The following PTPRN2 variants were observed in gnomAD, a reference collection of about 807,000 sequenced individuals.
PTPRN2 encodes protein tyrosine phosphatase receptor type N2.
In PTPRN2, 74 loss-of-function variants were observed where a neutral mutation model predicts 118.8. The observed-to-expected ratio is 0.62, with a 90% CI of 0.52 to 0.76. PTPRN2 has a LOEUF of 0.76. Among genes scored for constraint, PTPRN2 ranks in the 30% least tolerant of loss-of-function variants. PTPRN2 has a pLI of 0.00. For synonymous variants in PTPRN2, 641 were observed against 608.0 expected (o/e 1.05, Z -0.80); for missense variants, 1,481 against 1,394.4 (o/e 1.06, Z -0.99).
Position 157,958,038 on chromosome 7 carries a change from G to A in PTPRN2, c.1724-59301C>T, listed in dbSNP as rs12667411. Among the ~76,000 whole-genome samples the A allele has an allele frequency of 0.011, 1,708 of 152,182 alleles. 169 individuals carry two copies. In the East Asian group the frequency reaches 0.25, roughly 22 times the overall value. On this transcript the variant is annotated intron_variant, in intron 11 of 22. Coordinates refer to ENST00000389418, the MANE Select transcript of PTPRN2 (RefSeq NM_002847.5). ...CGGAAGTTCAGAAGCATATTAAAAC[G>A]ATTGCTGTACCATGACCAAGTGGGA...
intron 2 of PTPRN2, among the ~76,000 whole-genome samples, chr7:158,329,034 G>A (rs1803901553): frequency 1.3e-5 from 2 of 151,906 alleles, no homozygotes; most frequent in Admixed American, 6.6e-5. Flanking sequence ...CACTATGAGT[G>A]GGGCCTCCAT....
intron 12 of PTPRN2, among the ~76,000 whole-genome samples, chr7:157,823,010 ACATGCACC>A (rs1450299240): frequency 2.6e-5 from 4 of 151,968 alleles, no homozygotes; most frequent in Non-Finnish European, 5.9e-5. Flanking sequence ...ATACAGACAT[ACATGCACC>A]CATCCATCTT....
At chr7:158,272,046 C>T (rs1179340670) in intron 3 of PTPRN2, among the ~76,000 whole-genome samples, 3 of 152,172 alleles carry the variant, frequency 2.0e-5, no homozygotes, top group Admixed American at 1.3e-4. Flanking sequence ...CATCAAAAGA[C>T]GGTCAGGTTG....
chr7:158,397,001 A>G (rs1234324884), intron 2 of PTPRN2, among the ~76,000 whole-genome samples: 1 of 152,240 alleles, frequency 6.6e-6, no homozygotes, highest in Admixed American at 6.5e-5. Context: ...CTTTTGAAAC[A>G]AACCGACATC....
At chr7:158,038,142 T>C (rs958388307) in intron 11 of PTPRN2, among the ~76,000 whole-genome samples, 1 of 152,142 alleles carries the variant, frequency 6.6e-6, no homozygotes, top group African/African-American at 2.4e-5. Flanking sequence ...AATTCATGTA[T>C]AAAGTAAGAT....
Position 157,747,870 on chromosome 7 carries a change from G to C in PTPRN2, c.1789-64933C>G, listed in dbSNP as rs1231568786. Among the ~76,000 whole-genome samples, 500 of 118,260 alleles carry C rather than the reference G, an allele frequency of 4.2e-3. 25 individuals are homozygous for C. The highest frequency in any genetic ancestry group is 0.011 in the Admixed American group (107 of 9,894). The allele number at this position is 118,260 out of a possible 152,430, so 77.6% of individuals were successfully genotyped here. ...GGGTGATTCTGAGGCCTGCGTCCCT[G>C]AGCTGTGGGGTGTCCGGGTGATTCT... On this transcript the variant is annotated intron_variant, in intron 12 of 22. Transcript: ENST00000389418.
chr7:158,130,756 G>GACAC, intron 9 of PTPRN2, among the ~76,000 whole-genome samples: 1 of 133,334 alleles, frequency 7.5e-6, no homozygotes, highest in African/African-American at 3.0e-5. Flanking sequence ...ACATCTACCT[G>GACAC]ACATACTCAT....
At chr7:158,498,709 A>C (rs1822135581) in intron 1 of PTPRN2, among the ~76,000 whole-genome samples, 1 of 152,262 alleles carries the variant, frequency 6.6e-6, no homozygotes, top group Non-Finnish European at 1.5e-5. Context: ...GCTTTGAAAA[A>C]GTATCTGATG....
chr7:157,642,358 T>G (rs1804723528), intron 14 of PTPRN2, among the ~76,000 whole-genome samples: 1 of 152,236 alleles, frequency 6.6e-6, no homozygotes, highest in Non-Finnish European at 1.5e-5. Flanking sequence ...TGCATTTTAT[T>G]AAACTCGTGT....
chr7:158,383,016 C>G (rs1262511962), intron 2 of PTPRN2, among the ~76,000 whole-genome samples: 1 of 152,184 alleles, frequency 6.6e-6, no homozygotes, highest in African/African-American at 2.4e-5. Flanking sequence ...TTGGGGACCA[C>G]TGTCTTACAG....
At chr7:158,149,298 T>C (rs1482869940) in intron 6 of PTPRN2, among the ~76,000 whole-genome samples, 1 of 152,160 alleles carries the variant, frequency 6.6e-6, no homozygotes, top group Non-Finnish European at 1.5e-5. Context: ...TATAAAGCAA[T>C]GTCATCAATG....
At position 158,396,423 on chromosome 7, in the gene PTPRN2, CGT is replaced by C. The variant is rs533955794; in HGVS notation, c.164-79493_164-79492del. Among the ~76,000 whole-genome samples, 132 of 152,294 alleles carry C rather than the reference CGT, an allele frequency of 8.7e-4. 1 individual carries two copies. Among genetic ancestry groups the C allele is most frequent in the Middle Eastern group, 3.4e-3 (1 of 294 alleles). On this transcript the variant is annotated intron_variant, in intron 2 of 22. Coordinates refer to ENST00000389418, the MANE Select transcript of PTPRN2 (RefSeq NM_002847.5). Reference sequence around the variant, plus strand: ...GTCTGTGTGTGTGTGTACATGTGCACGTGTGTGTGCATGAATGTGTCACGTGT... The same window carrying C: ...GTCTGTGTGTGTGTGTACATGTGCACGTGTGTGCATGAATGTGTCACGTGT...
chr7:158,195,170 GC>G (rs771282231), intron 4 of PTPRN2, among the ~76,000 whole-genome samples: 10 of 152,204 alleles, frequency 6.6e-5, no homozygotes, highest in Non-Finnish European at 1.3e-4. Context: ...TTCTGAGAAA[GC>G]CAATAATTTT....
chr7:158,209,123 A>G (rs1015624038), intron 3 of PTPRN2, among the ~76,000 whole-genome samples: 21 of 152,042 alleles, frequency 1.4e-4, no homozygotes, highest in African/African-American at 5.1e-4. Context: ...TAAAAAAAAA[A>G]GTAAGGAAAG....
intron 6 of PTPRN2, among the ~76,000 whole-genome samples, chr7:158,149,818 G>T (rs1006969352): frequency 7.0e-6 from 1 of 143,432 alleles, no homozygotes; most frequent in African/African-American, 2.5e-5. Flanking sequence ...AAAAAAAAAA[G>T]ATAAACCCAA....
intron 19 of PTPRN2, 113 bp from the exon 20 acceptor site, chr7:157,571,606 G>T (rs1799761898): frequency 2.8e-6 from 2 of 712,160 alleles, no homozygotes; most frequent in Non-Finnish European, 4.7e-6. Flanking sequence ...TTTTGCAATC[G>T]CTTGTTTTGA....
intron 6 of PTPRN2, among the ~76,000 whole-genome samples, chr7:158,166,724 A>C (rs551551441): frequency 6.6e-6 from 1 of 152,292 alleles, no homozygotes; most frequent in East Asian, 1.9e-4. Context: ...CCAGGACGTG[A>C]AATGACCACA....
chr7:158,477,391 G>A (rs1034391634), intron 2 of PTPRN2, among the ~76,000 whole-genome samples: 1 of 152,196 alleles, frequency 6.6e-6, no homozygotes, highest in Non-Finnish European at 1.5e-5. Context: ...ACCTCCGAGT[G>A]GGAGTGAGAT....
intron 2 of PTPRN2, among the ~76,000 whole-genome samples, chr7:158,319,966 G>C (rs1045327084): frequency 1.2e-3 from 15 of 12,170 alleles, no homozygotes; most frequent in Non-Finnish European, 1.7e-3. Flanking sequence ...CACACACACA[G>C]CCTCCCTCAC....
Sources: allele counts gnomAD v4.1 joint callset (sites outside exome capture counted in the v4.1 genomes callset), GRCh38; gene constraint gnomAD v4.1.1; transcripts MANE v1.5; gene names NCBI Gene and HGNC (gene_info 2026-07-23, HGNC 2026-07-21).